The following RORC variants were observed in gnomAD, a reference collection of about 807,000 sequenced individuals.
The protein encoded by RORC is RAR related orphan receptor C, also known as nuclear receptor ROR-gamma.
RORC carries 13 observed loss-of-function variants against 64.5 expected under a neutral mutation model. That is an observed-to-expected ratio of 0.20 (90% CI 0.13 to 0.32). The LOEUF (loss-of-function observed/expected upper bound fraction) is 0.32. Ranked by LOEUF, RORC falls within the 10% of genes least tolerant of loss-of-function variation. The pLI is 1.00. For synonymous variants in RORC, 277 were observed against 259.3 expected (o/e 1.07, Z -0.65); for missense variants, 468 against 669.5 (o/e 0.70, Z 3.32).
At chr1:151,831,186 T>C in intron 1 of RORC, 1 of 1,171,500 alleles carries the variant, frequency 8.5e-7, no homozygotes, top group Admixed American at 2.6e-5. Context: ...AGGACCAGGC[T>C]ACGTGGTCAT....
At chr1:151,813,931 C>A in intron 6 of RORC, 1 of 298,472 alleles carries the variant, frequency 3.4e-6, no homozygotes. Flanking sequence ...TGCCCCTTCC[C>A]CCACAAAGGT....
rs566247684 is a variant in RORC, at chr1:151,830,887, C to G, written c.40+838G>C. 3 of 1,258,574 alleles carry G rather than the reference C, an allele frequency of 2.4e-6. No individual in the cohort carries two copies. The highest frequency in any genetic ancestry group is 3.1e-6 in the Non-Finnish European group (3 of 966,216). The allele number at this position is 1,258,574 out of a possible 1,614,324, so 78.0% of individuals were successfully genotyped here. A position where few individuals can be genotyped will look rare whatever the true frequency, so the allele number is the denominator to read the frequency against. ...CCGGCTCCTGGCCTCTAGCCTTGCA[C>G]CTCAGAGCAGTCCTGTGGTGGGGGT... On this transcript the variant is annotated intron_variant, in intron 1 of 10. Coordinates refer to ENST00000318247, the MANE Select transcript of RORC (RefSeq NM_005060.4). This position sits in a 1 kb window ranked among gnomAD's most constrained non-coding sequence, Gnocchi z 4.0.
intron 2 of RORC, among the ~76,000 whole-genome samples, chr1:151,822,910 G>A (rs1039582315): frequency 3.3e-5 from 5 of 152,246 alleles, no homozygotes; most frequent in South Asian, 4.1e-4. Context: ...TGGGCTGCCC[G>A]CCTGGGAGAG....
rs199838177 is a variant in RORC, at chr1:151,813,350, G to T, written c.1067-4C>A. The T allele has an allele frequency of 7.3e-4, 1,185 of 1,612,940 alleles. 18 individuals carry two copies. The South Asian group carries it at 0.012, about 17-fold the overall frequency. The stretch of plus-strand genomic sequence containing the variant: ...ACCAGCACCACTTCCATTGCTCCTG[G>T]GCAGTGGGGAGAGAAGATGCAGGGA... On this transcript the variant is annotated splice_polypyrimidine_tract_variant and splice_region_variant and intron_variant, in intron 7 of 10. Transcript: ENST00000318247.
At position 151,813,896 on chromosome 1, in the gene RORC, C is replaced by T. The variant is rs3790515; in HGVS notation, c.934-276G>A. ...CTTTGCCCTCCAACAAGGTATATCTCGTTGAGGTGAACAGGACATACAGCT... is the reference window on the plus strand; with the variant it reads ...CTTTGCCCTCCAACAAGGTATATCTTGTTGAGGTGAACAGGACATACAGCT... On this transcript the variant is annotated intron_variant, in intron 6 of 10. Transcript: ENST00000318247. The T allele has an allele frequency of 0.12, 50,805 of 424,048 alleles. 4,182 individuals carry two copies. The highest frequency in any genetic ancestry group is 0.29 in the African/African-American group (14,609 of 50,346). 26.3% of individuals were successfully genotyped at this position (424,048 alleles called of 1,614,324 possible). A position where few individuals can be genotyped will look rare whatever the true frequency, so the allele number is the denominator to read the frequency against.
At chr1:151,827,671 A>G (rs1292300246) in intron 2 of RORC, among the ~76,000 whole-genome samples, 1 of 152,054 alleles carries the variant, frequency 6.6e-6, no homozygotes, top group African/African-American at 2.4e-5. Flanking sequence ...GGGACTCCAG[A>G]CCCTCTCATC....
At chr1:151,825,840 T>C in intron 2 of RORC, 6 of 1,504,688 alleles carry the variant, frequency 4.0e-6, no homozygotes, top group Non-Finnish European at 5.5e-6. Flanking sequence ...TGCTCAGATT[T>C]GCTCACACTG....
chr1:151,812,364 T>A (rs891124528), intron 9 of RORC: 1 of 152,632 alleles, frequency 6.6e-6, no homozygotes, highest in Non-Finnish European at 1.5e-5. Context: ...TATTCAACAC[T>A]TTATTATAAA....
intron 10 of RORC, among the ~76,000 whole-genome samples, chr1:151,809,256 G>C (rs891864848): frequency 3.3e-5 from 5 of 151,928 alleles, no homozygotes; most frequent in African/African-American, 1.2e-4. Context: ...AAAATTAGCC[G>C]GGCGTGTAAT....
At chr1:151,831,606 C>T (rs2101681920) in intron 1 of RORC, 119 bp downstream of exon 1, 2 of 1,594,974 alleles carry the variant, frequency 1.3e-6, no homozygotes, top group East Asian at 4.5e-5. Flanking sequence ...GGGCTTTCTC[C>T]TCTGCACTCT....
At chr1:151,811,009 G>A (rs1651502271) in intron 10 of RORC, among the ~76,000 whole-genome samples, 1 of 152,178 alleles carries the variant, frequency 6.6e-6, no homozygotes. Context: ...AAAATCTCTT[G>A]GTGGGGGCAG....
At chr1:151,814,049 A>C (rs1353053216) in intron 6 of RORC, 1 of 178,866 alleles carries the variant, frequency 5.6e-6, no homozygotes, top group African/African-American at 2.4e-5. Context: ...TAAACTTTGG[A>C]GCCTGATGAA....
chr1:151,808,661 C>T (rs953620291), intron 10 of RORC, among the ~76,000 whole-genome samples: 6 of 152,150 alleles, frequency 3.9e-5, no homozygotes, highest in Non-Finnish European at 8.8e-5. Context: ...GAGCTAGGCA[C>T]TGTGATGGCC....
In RORC at chr1:151,807,762, A is replaced by T. The variant is rs1012684302; in HGVS notation, c.1396-129T>A. The T allele has an allele frequency of 1.1e-6, 1 of 942,800 alleles. No individual in the cohort carries two copies. Among genetic ancestry groups the T allele is most frequent in the African/African-American group, 1.6e-5 (1 of 61,072 alleles). 58.4% of individuals were successfully genotyped at this position (942,800 alleles called of 1,614,324 possible). On this transcript the variant is annotated intron_variant, in intron 10 of 10. Coordinates refer to ENST00000318247, the MANE Select transcript of RORC (RefSeq NM_005060.4). This position sits in a 1 kb window ranked among gnomAD's most constrained non-coding sequence, Gnocchi z 5.0. The stretch of plus-strand genomic sequence containing the variant: ...CCCCTTATGTACTTGGCACTTTGGC[A>T]CCAGCCAAATCCCACTGGTAGAAGT...
chr1:151,827,914 A>G (rs1448515483), intron 2 of RORC, among the ~76,000 whole-genome samples: 2 of 152,072 alleles, frequency 1.3e-5, no homozygotes, highest in Non-Finnish European at 2.9e-5. Flanking sequence ...TGCTGCTCCG[A>G]AAGTCCCCCT....
At chr1:151,827,567 C>T (rs965908210) in intron 2 of RORC, among the ~76,000 whole-genome samples, 2 of 152,040 alleles carry the variant, frequency 1.3e-5, no homozygotes, top group African/African-American at 4.8e-5. Flanking sequence ...TGTCTCAATT[C>T]AGGAGCCAAT....
At position 151,813,062 on chromosome 1, in the gene RORC, T is replaced by C; in HGVS notation, c.1175-5A>G. 6.2e-7 allele frequency: 1 copy of C among 1,607,508 alleles called. No individual in the cohort carries two copies. The highest frequency in any genetic ancestry group is 1.3e-5 in the African/African-American group (1 of 74,898). The stretch of plus-strand genomic sequence containing the variant: ...AGCTGATGAGCTCGCTGCAGCCTGA[T>C]GGAGTGGAAATGAGAAAAGTGAGAG... On this transcript the variant is annotated splice_polypyrimidine_tract_variant and splice_region_variant and intron_variant, in intron 8 of 10. Transcript: ENST00000318247.
Position 151,830,639 on chromosome 1 carries a change from C to CAA in RORC, c.40+1085_40+1086insTT, listed in dbSNP as rs1652370864. On this transcript the variant is annotated intron_variant, in intron 1 of 10. Coordinates refer to ENST00000318247, the MANE Select transcript of RORC (RefSeq NM_005060.4). This position sits in a 1 kb window ranked among gnomAD's most constrained non-coding sequence, Gnocchi z 4.0. Reference sequence around the variant, plus strand: ...CCTGACATACACACACACACACACACACACACACACACACACACACACAGT... The same window carrying CAA: ...CCTGACATACACACACACACACACACAAACACACACACACACACACACACAGT... 6.9e-6 allele frequency among the ~76,000 whole-genome samples: 1 copy of CAA among 145,442 alleles called. No homozygotes were observed. The highest frequency in any genetic ancestry group is 2.5e-5 in the African/African-American group (1 of 39,874).
Position 151,830,621 on chromosome 1 carries a change from T to G in RORC, c.40+1104A>C, listed in dbSNP as rs867045881. The stretch of plus-strand genomic sequence containing the variant: ...TGCTGTTCAGTCTTGACACCTGACA[T>G]ACACACACACACACACACACACACA... On this transcript the variant is annotated intron_variant, in intron 1 of 10. Transcript: ENST00000318247. This position sits in a 1 kb window ranked among gnomAD's most constrained non-coding sequence, Gnocchi z 4.0. 1.8e-5 allele frequency among the ~76,000 whole-genome samples: 1 copy of G among 57,078 alleles called. No individual in the cohort carries two copies. 37.4% of individuals were successfully genotyped at this position (57,078 alleles called of 152,430 possible). A position where few individuals can be genotyped will look rare whatever the true frequency, so the allele number is the denominator to read the frequency against.
Sources: gnomAD v4.1 joint callset for allele counts (sites outside exome capture counted in the v4.1 genomes callset) on GRCh38, gnomAD v4.1.1 for gene constraint, Gnocchi (gnomAD v3.1) non-coding constraint, MANE v1.5 for transcripts, NCBI Gene and HGNC (gene_info 2026-07-23, HGNC 2026-07-21) for gene names.